DZIP1L: variants seen among roughly 807,000 people sequenced by gnomAD.
DZIP1L encodes DAZ interacting zinc finger protein 1 like, also known as cilium assembly protein DZIP1L.
DZIP1L carries 90 observed loss-of-function variants against 88.7 expected under a neutral mutation model. The ratio of observed to expected loss-of-function variants is 1.02; its 90% CI spans 0.86 to 1.21. The LOEUF is 1.21. Ranked by LOEUF, DZIP1L falls within the 50% of genes most tolerant of loss-of-function variation. The pLI is 0.00. For synonymous variants in DZIP1L, 363 were observed against 372.1 expected, an observed-to-expected ratio of 0.98 and a Z score of 0.28; for missense variants, 932 against 955.8, an observed-to-expected ratio of 0.98 and a Z score of 0.33.
At chr3:138,109,185 A>C (rs1484264044) in intron 1 of DZIP1L, among the ~76,000 whole-genome samples, 2 of 152,198 alleles carry the variant, frequency 1.3e-5, no homozygotes, top group Non-Finnish European at 2.9e-5. Flanking sequence ...CATTTACCAT[A>C]TTACTTGCCT....
chr3:138,064,816 AAC>A (rs776350362), intron 14 of DZIP1L, 49 bp from the exon 15 acceptor site: 31 of 1,533,894 alleles, frequency 2.0e-5, no homozygotes, highest in Non-Finnish European at 7.9e-6. Flanking sequence ...CTAGAAAATG[AAC>A]ATCTCAGTTT....
chr3:138,069,226 A>G, intron 12 of DZIP1L: 1 of 562,252 alleles, frequency 1.8e-6, no homozygotes, highest in Non-Finnish European at 3.2e-6. Context: ...CCCTTAATGA[A>G]TAGTAAACAT....
chr3:138,074,208 A>C (rs759386806), intron 11 of DZIP1L, among the ~76,000 whole-genome samples: 23 of 152,210 alleles, frequency 1.5e-4, no homozygotes, highest in African/African-American at 2.2e-4. Context: ...AGCTCAAAGA[A>C]CACCTGAGAA....
intron 14 of DZIP1L, among the ~76,000 whole-genome samples, chr3:138,065,992 T>G (rs1237272411): frequency 6.6e-6 from 1 of 152,220 alleles, no homozygotes; most frequent in Non-Finnish European, 1.5e-5. Context: ...GACAGTTAGC[T>G]CAGGTCTCTA....
chr3:138,101,559 GGTGGAGCT>G, intron 2 of DZIP1L: 2 of 799,974 alleles, frequency 2.5e-6, no homozygotes, highest in Non-Finnish European at 4.4e-6. Context: ...CAGTGGCCCT[GGTGGAGCT>G]GGTGCGGCTG....
At chr3:138,089,621 T>C (rs895998763) in intron 5 of DZIP1L, among the ~76,000 whole-genome samples, 2 of 152,200 alleles carry the variant, frequency 1.3e-5, no homozygotes, top group Non-Finnish European at 2.9e-5. Context: ...AATGGACATC[T>C]TACAGTGTTT....
rs777285749 is a variant in DZIP1L at position 138,092,423 on chromosome 3, T to C, written c.830A>G (p.Glu277Gly). ...IDKLKKLFWD[E>G]FKNVAKQNST... ...GTTCTGCTTGGCGACATTTTTAAAT[T>C]CATCCCAAAATAATTTTTTTAGTTT... Residue 277 changes from glutamate (E) to glycine (G), a missense_variant, in exon 5 of 16, where the codon GAA becomes GGA. Coordinates refer to ENST00000327532, the MANE Select transcript of DZIP1L (RefSeq NM_173543.3). 3 of 1,605,726 alleles carry C rather than the reference T, an allele frequency of 1.9e-6. No homozygotes were observed. In the South Asian group the frequency reaches 3.4e-5, roughly 18 times the overall value.
chr3:138,113,753 G>A (rs535494866), intron 1 of DZIP1L, among the ~76,000 whole-genome samples: 9 of 152,196 alleles, frequency 5.9e-5, no homozygotes, highest in East Asian at 1.9e-4. Flanking sequence ...GGGCTGCAGC[G>A]ACTCCTAGAA....
intron 10 of DZIP1L, among the ~76,000 whole-genome samples, chr3:138,079,427 C>T (rs1196413831): frequency 1.3e-5 from 2 of 152,202 alleles, no homozygotes; most frequent in African/African-American, 2.4e-5. Flanking sequence ...TAAGGGAAGA[C>T]TGCAAAGCCC....
chr3:138,071,687 T>C lies in DZIP1L; in HGVS notation c.1571A>G (p.Gln524Arg). Residue 524 changes from glutamine (Q) to arginine (R), a missense_variant, in exon 12 of 16, where the codon CAG becomes CGG. Transcript: ENST00000327532. ...CTGGGACACCACAGCGCCATTCTCC[T>C]GTCTCTCCTTCGCTCTGCTGGTGAC... ...KEVTSRAKER[Q>R]ENGAVVSQPD... The C allele has an allele frequency of 1.2e-6, 2 of 1,614,220 alleles. No individual in the cohort carries two copies. Among genetic ancestry groups the C allele is most frequent in the Middle Eastern group, 1.6e-4 (1 of 6,062 alleles).
intron 2 of DZIP1L, chr3:138,101,912 G>T: frequency 6.9e-7 from 1 of 1,456,698 alleles, no homozygotes; most frequent in Non-Finnish European, 9.6e-7. Flanking sequence ...AGCTCCCCAC[G>T]TTGCTCGGCA....
intron 2 of DZIP1L, chr3:138,101,736 T>C: frequency 1.1e-6 from 1 of 910,616 alleles, no homozygotes; most frequent in Non-Finnish European, 1.8e-6. Flanking sequence ...CCAGCCGGCT[T>C]TCCTTGCCCT....
rs2042359208 is a variant in DZIP1L at position 138,102,721 on chromosome 3, A to G, written c.501+750T>C. 6 of 814,208 alleles carry G rather than the reference A, an allele frequency of 7.4e-6. No homozygotes were observed. The South Asian group carries it at 8.0e-5, about 11-fold the overall frequency. 50.4% of individuals were successfully genotyped at this position (814,208 alleles called of 1,614,324 possible). On this transcript the variant is annotated intron_variant, in intron 2 of 15. Transcript: ENST00000327532. ...GCTCAGCAGGCTCTGGTTGACAGTG[A>G]TGGCAGTGATGCCTCCCATGCCACT...
At position 138,062,895 on chromosome 3, in the gene DZIP1L, G is replaced by A; in HGVS notation, c.2225C>T (p.Pro742Leu). 1.2e-6 allele frequency: 2 copies of A among 1,614,180 alleles called. No homozygotes were observed. Among genetic ancestry groups the A allele is most frequent in the Non-Finnish European group, 1.7e-6 (2 of 1,180,040 alleles). Residue 742 changes from proline (P) to leucine (L), a missense_variant, in exon 16 of 16, where the codon CCC (proline) becomes CTC (leucine). Coordinates refer to ENST00000327532, the MANE Select transcript of DZIP1L (RefSeq NM_173543.3). ...CTCTGGGAGCTTTGAGCGAGACAAG[G>A]GCTTGGGTTTCTCTCTCTGGTCCAG... ...LDLDQREKPK[P>L]LSRSKLPEKF...
At chr3:138,097,051 C>G (rs931915083) in intron 3 of DZIP1L, among the ~76,000 whole-genome samples, 27 of 151,848 alleles carry the variant, frequency 1.8e-4, no homozygotes, top group Admixed American at 1.6e-3. Context: ...TATGGTGGTG[C>G]GTGCCTGCAG....
intron 2 of DZIP1L, 88 bp from the exon 3 acceptor site, chr3:138,097,935 T>G: frequency 1.8e-6 from 2 of 1,087,364 alleles, no homozygotes; most frequent in Non-Finnish European, 2.8e-6. Flanking sequence ...CCCATCCCCT[T>G]GGGACCCCTG....
chr3:138,097,656 G>A, intron 3 of DZIP1L, 107 bp downstream of exon 3: 1 of 1,007,402 alleles, frequency 9.9e-7, no homozygotes, highest in Non-Finnish European at 1.5e-6. Flanking sequence ...TGGACAGTGA[G>A]GTTCTGAGAG....
In DZIP1L at chr3:138,079,362, G is replaced by A. The variant is rs1016635567; in HGVS notation, c.1288+1205C>T. ...ATCCCAAGGTTAAATGCACTGGGAG[G>A]GTAGGCGGAGGCAGTAGAGGACTAA... is the stretch of plus-strand genomic sequence containing the variant. On this transcript the variant is annotated intron_variant, in intron 10 of 15. Transcript: ENST00000327532. 3.3e-5 allele frequency among the ~76,000 whole-genome samples: 5 copies of A among 152,312 alleles called. No individual in the cohort carries two copies. The South Asian group carries it at 1.0e-3, about 32-fold the overall frequency.
intron 6 of DZIP1L, 95 bp from the exon 7 acceptor site, chr3:138,087,118 G>A: frequency 9.0e-7 from 1 of 1,113,372 alleles, no homozygotes; most frequent in Non-Finnish European, 1.3e-6. Flanking sequence ...TCATGGGTAG[G>A]CAGACAGAGT....
Sources: allele counts gnomAD v4.1 joint callset (sites outside exome capture counted in the v4.1 genomes callset), GRCh38; gene constraint gnomAD v4.1.1; transcripts MANE v1.5; gene names NCBI Gene and HGNC (gene_info 2026-07-23, HGNC 2026-07-21).